Variants in TEC observed in about 807,000 individuals in gnomAD.
TEC encodes the protein tec protein tyrosine kinase.
Under a neutral mutation model 93.0 loss-of-function variants are expected in TEC, and 72 were observed. The ratio of observed to expected loss-of-function variants is 0.77; its 90% CI spans 0.64 to 0.94. The LOEUF (loss-of-function observed/expected upper bound fraction) is 0.94. TEC is among the 40% of genes least tolerant of loss of function. The probability of loss-of-function intolerance (pLI) is 0.00; values close to 1 mark genes in which losing one functional copy is unlikely to be tolerated. For missense variants in TEC, 630 were observed against 757.9 expected (o/e 0.83, Z 1.98); for synonymous variants, 249 against 247.7 (o/e 1.01, Z -0.05).
At chr4:48,181,376 A>G (rs1721575683) in intron 2 of TEC, among the ~76,000 whole-genome samples, 1 of 151,972 alleles carries the variant, frequency 6.6e-6, no homozygotes, top group Non-Finnish European at 1.5e-5. Context: ...AGGGCTGCGG[A>G]AAAAAAGGAT....
At chr4:48,165,243 A>C (rs1720832120) in intron 7 of TEC, among the ~76,000 whole-genome samples, 1 of 152,184 alleles carries the variant, frequency 6.6e-6, no homozygotes, top group African/African-American at 2.4e-5. Flanking sequence ...TAATAACACT[A>C]AAAATAAACT....
chr4:48,177,871 C>T (rs954276127), intron 2 of TEC, among the ~76,000 whole-genome samples: 18 of 152,150 alleles, frequency 1.2e-4, no homozygotes, highest in Admixed American at 1.2e-3. Context: ...CATTTCTGCT[C>T]GCTCTCTCTC....
intron 2 of TEC, among the ~76,000 whole-genome samples, chr4:48,185,774 GCTCTCCCTCTCCCTCCCCCTCCCC>G (rs1560397274): frequency 1.3e-5 from 2 of 149,646 alleles, no homozygotes; most frequent in African/African-American, 4.9e-5. Flanking sequence ...AAATATGAAG[GCTCTCCCTCTCCCTCCCCCTCCCC>G]CTCTCCCATC....
intron 2 of TEC, among the ~76,000 whole-genome samples, chr4:48,200,395 A>C (rs763986331): frequency 6.6e-6 from 1 of 152,118 alleles, no homozygotes; most frequent in Non-Finnish European, 1.5e-5. Context: ...TTGGGATAAT[A>C]ATTTCTTGTA....
At position 48,200,019 on chromosome 4, in the gene TEC, T is replaced by C. The variant is rs574712486; in HGVS notation, c.139-23833A>G. ...ACTGAAAAACTAATTGTATTAATAA[T>C]GTATTAAAATAAAATAGAGATAGGT... On this transcript the variant is annotated intron_variant, in intron 2 of 17. Coordinates refer to ENST00000381501, the MANE Select transcript of TEC (RefSeq NM_003215.3). 6.3e-4 allele frequency among the ~76,000 whole-genome samples: 96 copies of C among 152,276 alleles called. No individual in the cohort carries two copies. In the Middle Eastern group the frequency reaches 0.024, roughly 38 times the overall value.
At chr4:48,244,235 G>A (rs1723997142) in intron 1 of TEC, among the ~76,000 whole-genome samples, 1 of 152,156 alleles carries the variant, frequency 6.6e-6, no homozygotes, top group East Asian at 1.9e-4. Context: ...CTAAAACCCT[G>A]TATTACTCCA....
chr4:48,260,752 A>G (rs114833470), intron 1 of TEC, among the ~76,000 whole-genome samples: 104 of 152,348 alleles, frequency 6.8e-4, no homozygotes, highest in African/African-American at 2.3e-3. Flanking sequence ...CTGTGTATAA[A>G]TAAAGATTGT....
intron 2 of TEC, among the ~76,000 whole-genome samples, chr4:48,192,923 A>C (rs1722142142): frequency 6.6e-6 from 1 of 152,150 alleles, no homozygotes; most frequent in Non-Finnish European, 1.5e-5. Flanking sequence ...AAGGTCACCA[A>C]CTGGAAGCTC....
chr4:48,201,472 C>T (rs369165572), intron 2 of TEC, among the ~76,000 whole-genome samples: 7 of 152,242 alleles, frequency 4.6e-5, no homozygotes, highest in East Asian at 1.9e-4. Context: ...CTGAGGAACA[C>T]GCACATGTGA....
At chr4:48,232,172 C>G (rs1723664846) in intron 1 of TEC, among the ~76,000 whole-genome samples, 1 of 151,914 alleles carries the variant, frequency 6.6e-6, no homozygotes, top group African/African-American at 2.4e-5. Flanking sequence ...GCCTGTAGTC[C>G]CAGCTACTTG....
intron 12 of TEC, among the ~76,000 whole-genome samples, chr4:48,146,016 C>T (rs993540787): frequency 6.6e-6 from 1 of 152,150 alleles, no homozygotes; most frequent in Non-Finnish European, 1.5e-5. Context: ...GCTTTCTTAC[C>T]TCCATCCTTA....
chr4:48,212,114 T>A (rs200428417), intron 2 of TEC, among the ~76,000 whole-genome samples: 20,938 of 106,066 alleles, frequency 0.2, 1,920 homozygotes, highest in South Asian at 0.23. Flanking sequence ...AAAAAAAATA[T>A]ATATATATAT....
chr4:48,236,454 T>C (rs1451299245), intron 1 of TEC, among the ~76,000 whole-genome samples: 1 of 151,954 alleles, frequency 6.6e-6, no homozygotes. Flanking sequence ...GTTAATTTTT[T>C]TGTATTTTTA....
chr4:48,219,608 G>A (rs745327407), intron 2 of TEC, among the ~76,000 whole-genome samples: 8 of 152,174 alleles, frequency 5.3e-5, no homozygotes, highest in Non-Finnish European at 1.0e-4. Context: ...CGTGTGCAGA[G>A]AAGAAAACGC....
chr4:48,152,720 C>T (rs1345841643), intron 9 of TEC, among the ~76,000 whole-genome samples: 3 of 152,120 alleles, frequency 2.0e-5, no homozygotes, highest in Non-Finnish European at 4.4e-5. Context: ...ACTCACTCCC[C>T]TACATCTGCC....
chr4:48,235,463 A>C (rs2109648784), intron 1 of TEC, among the ~76,000 whole-genome samples: 1 of 152,330 alleles, frequency 6.6e-6, no homozygotes, highest in Non-Finnish European at 1.5e-5. Context: ...CTACTCTTCT[A>C]CCCTAAATAA....
rs559961259 is a variant in TEC, at chr4:48,145,201, G to A, written c.1348C>T (p.Leu450Phe). The A allele has an allele frequency of 6.2e-7, 1 of 1,614,106 alleles. No homozygotes were observed. The highest frequency in any genetic ancestry group is 2.2e-5 in the East Asian group (1 of 44,880). The change falls in exon 14 of 18, where the codon CTT becomes TTT. Residue 450 changes from leucine (L) to phenylalanine (F), a missense_variant. Leu to Phe is a conservative substitution (Grantham distance 22). This residue lies in a region of TEC where 289 missense variants were observed against 390.0 expected (regional missense o/e 0.74). Coordinates refer to ENST00000381501, the MANE Select transcript of TEC (RefSeq NM_003215.3). Reference protein sequence around the residue: ...IVTEFMERGCLLNFLRQRQGH... With the variant: ...IVTEFMERGCFLNFLRQRQGH... Reference sequence around the variant, plus strand: ...TGTCTCTGTCGGAGGAAATTCAGAAGGCAGCCCCTTTCCATGAACTCAGTA... The same window carrying A: ...TGTCTCTGTCGGAGGAAATTCAGAAAGCAGCCCCTTTCCATGAACTCAGTA...
At position 48,236,768 on chromosome 4, in the gene TEC, G is replaced by C. The variant is rs192634979; in HGVS notation, c.-45-8109C>G. 2.5e-4 allele frequency among the ~76,000 whole-genome samples: 38 copies of C among 152,240 alleles called. No homozygotes were observed. The East Asian group carries it at 7.1e-3, about 29-fold the overall frequency. ...CAACAGAAACTGTCACTGTATCACC[G>C]GTGAGAAACACAAACCACCAAAGTT... On this transcript the variant is annotated intron_variant, in intron 1 of 17. Transcript: ENST00000381501.
intron 2 of TEC, among the ~76,000 whole-genome samples, chr4:48,223,082 G>T (rs1723317624): frequency 6.6e-6 from 1 of 152,082 alleles, no homozygotes; most frequent in African/African-American, 2.4e-5. Flanking sequence ...AGTTTGAAAA[G>T]ATATTATGTG....
Sources: allele counts gnomAD v4.1 joint callset (sites outside exome capture counted in the v4.1 genomes callset), GRCh38; gene constraint gnomAD v4.1.1; regional missense constraint gnomAD v4.1.1; transcripts MANE v1.5; gene names NCBI Gene and HGNC (gene_info 2026-07-23, HGNC 2026-07-21).